DNAJB6: variants seen among roughly 807,000 people sequenced by gnomAD.
DNAJB6 encodes dnaJ homolog subfamily B member 6.
DNAJB6 carries 16 observed loss-of-function variants against 42.7 expected under a neutral mutation model. The observed-to-expected ratio is 0.37, with a 90% CI of 0.25 to 0.57. The LOEUF (loss-of-function observed/expected upper bound fraction) is 0.57, where lower values mean the gene tolerates loss of function less well. Ranked by LOEUF, DNAJB6 falls within the 20% of genes least tolerant of loss-of-function variation. The probability of loss-of-function intolerance (pLI) is 0.74; values close to 1 mark genes in which losing one functional copy is unlikely to be tolerated. For synonymous variants in DNAJB6, 170 were observed against 163.5 expected, an observed-to-expected ratio of 1.04 and a Z score of -0.30; for missense variants, 347 against 416.8, an observed-to-expected ratio of 0.83 and a Z score of 1.46.
intron 8 of DNAJB6, among the ~76,000 whole-genome samples, chr7:157,399,591 C>T (rs1392274552): frequency 6.6e-6 from 1 of 152,180 alleles, no homozygotes; most frequent in East Asian, 1.9e-4. Flanking sequence ...GCCCTCTAGG[C>T]CTGAGTGCGG....
intron 1 of DNAJB6, among the ~76,000 whole-genome samples, chr7:157,353,586 G>GGGGT (rs375917916): frequency 4.3e-5 from 6 of 140,104 alleles, no homozygotes; most frequent in South Asian, 2.3e-4. Flanking sequence ...TCTTGACCGG[G>GGGGT]GTGTGTGTGT....
chr7:157,376,710 A>G (rs754913962), intron 5 of DNAJB6, among the ~76,000 whole-genome samples: 3 of 151,996 alleles, frequency 2.0e-5, no homozygotes, highest in Non-Finnish European at 4.4e-5. Flanking sequence ...GTGAAACACT[A>G]CCTCTACTAA....
At chr7:157,342,024 A>G (rs1363243782) in intron 1 of DNAJB6, among the ~76,000 whole-genome samples, 1 of 151,584 alleles carries the variant, frequency 6.6e-6, no homozygotes, top group African/African-American at 2.4e-5. Context: ...TCGCCACTAC[A>G]CCTGGCTAAT....
chr7:157,361,478 A>G (rs1799593888), intron 2 of DNAJB6, among the ~76,000 whole-genome samples: 1 of 152,200 alleles, frequency 6.6e-6, no homozygotes, highest in African/African-American at 2.4e-5. Context: ...GTTTAGGTCC[A>G]CAGTGACATA....
At chr7:157,414,787 A>C (rs1244022399) in intron 9 of DNAJB6, 1 of 152,344 alleles carries the variant, frequency 6.6e-6, no homozygotes, top group East Asian at 1.9e-4. Flanking sequence ...GGCAGTGCTC[A>C]GTGGTGAGAG....
chr7:157,392,957 G>C (rs1801417633), intron 8 of DNAJB6, among the ~76,000 whole-genome samples: 2 of 151,964 alleles, frequency 1.3e-5, no homozygotes. Flanking sequence ...CTTTAGTCTT[G>C]GTATTCTGAT....
At chr7:157,337,802 C>T (rs994488049) in intron 1 of DNAJB6, 3 of 152,198 alleles carry the variant, frequency 2.0e-5, no homozygotes, top group Admixed American at 6.5e-5. Context: ...TTAACTCTTA[C>T]CTAAGGAAGG....
At chr7:157,387,773 T>G (rs1373800916) in intron 8 of DNAJB6, among the ~76,000 whole-genome samples, 1 of 151,858 alleles carries the variant, frequency 6.6e-6, no homozygotes, top group African/African-American at 2.4e-5. Context: ...GGAATCTTTC[T>G]TGTGAAAATT....
intron 8 of DNAJB6, among the ~76,000 whole-genome samples, chr7:157,408,044 C>T (rs181013696): frequency 6.6e-6 from 1 of 152,258 alleles, no homozygotes; most frequent in East Asian, 1.9e-4. Context: ...AGCAGCCCTG[C>T]CACCTGTTTG....
At chr7:157,366,450 A>C (rs1235692851) in intron 3 of DNAJB6, 52 bp from the exon 4 acceptor site, 2 of 1,508,338 alleles carry the variant, frequency 1.3e-6, no homozygotes, top group African/African-American at 2.8e-5. Context: ...TATCTATTGA[A>C]TTAAGGGTTT....
At chr7:157,363,995 G>A (rs939881231) in intron 3 of DNAJB6, among the ~76,000 whole-genome samples, 1 of 152,176 alleles carries the variant, frequency 6.6e-6, no homozygotes, top group Non-Finnish European at 1.5e-5. Context: ...AGCAAAGGCC[G>A]AGGCTTTTCC....
chr7:157,388,302 T>C (rs1322528803), intron 8 of DNAJB6, among the ~76,000 whole-genome samples: 1 of 152,204 alleles, frequency 6.6e-6, no homozygotes. Context: ...TAAGGGTGCA[T>C]GAGAGTACCT....
chr7:157,391,906 C>A (rs976525379), intron 8 of DNAJB6, among the ~76,000 whole-genome samples: 3 of 151,916 alleles, frequency 2.0e-5, no homozygotes, highest in African/African-American at 7.3e-5. Flanking sequence ...AGTTCAAGAC[C>A]AGCCTGGGCA....
intron 8 of DNAJB6, among the ~76,000 whole-genome samples, chr7:157,386,971 A>G (rs1267809038): frequency 6.7e-6 from 1 of 150,020 alleles, no homozygotes; most frequent in Non-Finnish European, 1.5e-5. Context: ...GGTAACTAGA[A>G]TCCTAGCTGT....
chr7:157,397,534 A>C (rs941017165), intron 8 of DNAJB6, among the ~76,000 whole-genome samples: 2 of 151,928 alleles, frequency 1.3e-5, no homozygotes, highest in African/African-American at 4.8e-5. Context: ...CCAACAGGAG[A>C]CTTTCCTCCT....
chr7:157,348,681 G>C (rs1798813458), intron 1 of DNAJB6, among the ~76,000 whole-genome samples: 1 of 152,068 alleles, frequency 6.6e-6, no homozygotes, highest in Admixed American at 6.6e-5. Flanking sequence ...CTCCTGTTGA[G>C]TTCACACCAC....
At chr7:157,385,268 A>G (rs1194897991) in intron 7 of DNAJB6, among the ~76,000 whole-genome samples, 1 of 151,996 alleles carries the variant, frequency 6.6e-6, no homozygotes, top group Non-Finnish European at 1.5e-5. Context: ...AAAATGGAAA[A>G]TCATTAATAG....
chr7:157,397,711 G>A (rs1801660540), intron 8 of DNAJB6, among the ~76,000 whole-genome samples: 1 of 152,204 alleles, frequency 6.6e-6, no homozygotes, highest in African/African-American at 2.4e-5. Context: ...TTCATTCCCT[G>A]GAGCCACCTC....
chr7:157,355,915 G>A (rs758114292), intron 1 of DNAJB6, among the ~76,000 whole-genome samples: 3 of 152,156 alleles, frequency 2.0e-5, no homozygotes, highest in Non-Finnish European at 2.9e-5. Context: ...AGCTGGCCAC[G>A]CGGCCCTCAC....
Sources: gnomAD v4.1 joint callset for allele counts (sites outside exome capture counted in the v4.1 genomes callset) on GRCh38, gnomAD v4.1.1 for gene constraint, MANE v1.5 for transcripts, NCBI Gene and HGNC (gene_info 2026-07-23, HGNC 2026-07-21) for gene names.